Variants in CDH7 observed in about 807,000 individuals in gnomAD.
CDH7 encodes cadherin-7.
A neutral mutation model predicts 71.8 loss-of-function variants in CDH7; 25 were observed. That is an observed-to-expected ratio of 0.35 (90% CI 0.25 to 0.49). The LOEUF (loss-of-function observed/expected upper bound fraction) is 0.49. CDH7 is among the 20% of genes least tolerant of loss of function. The pLI is 0.99. For synonymous variants in CDH7, 381 were observed against 363.8 expected, an observed-to-expected ratio of 1.05 and a Z score of -0.54; for missense variants, 862 against 974.6, an observed-to-expected ratio of 0.88 and a Z score of 1.54.
chr18:65,770,845 A>G (rs1032928844), intron 2 of CDH7, among the ~76,000 whole-genome samples: 3 of 152,196 alleles, frequency 2.0e-5, no homozygotes, highest in Admixed American at 1.3e-4. Flanking sequence ...AACCAATCAT[A>G]TTTTGAAGAT....
chr18:65,867,035 A>ATTT (rs11381508), intron 11 of CDH7, among the ~76,000 whole-genome samples: 7 of 134,194 alleles, frequency 5.2e-5, no homozygotes, highest in South Asian at 2.3e-4. Context: ...GGTATTCTAA[A>ATTT]TTTTTTTTTT....
Position 65,830,547 on chromosome 18 carries a change from T to C in CDH7, c.981+5716T>C, listed in dbSNP as rs148558888. Among the ~76,000 whole-genome samples, 640 of 151,072 alleles carry C rather than the reference T, an allele frequency of 4.2e-3. 2 individuals are homozygous for C. The highest frequency in any genetic ancestry group is 0.015 in the African/African-American group (614 of 41,140). On this transcript the variant is annotated intron_variant, in intron 6 of 11. Coordinates refer to ENST00000397968, the MANE Select transcript of CDH7 (RefSeq NM_004361.5). The stretch of plus-strand genomic sequence containing the variant: ...CTTCCTTCCTTTCTTCCTCCCTTCC[T>C]TCCTTCTTTCCTTCCTCTCTCTCTC...
rs572626704 is a variant in CDH7, at chr18:65,792,395, G to T, written c.211-17309G>T. 7.2e-5 allele frequency among the ~76,000 whole-genome samples: 11 copies of T among 152,126 alleles called. No homozygotes were observed. The South Asian group carries it at 2.3e-3, about 32-fold the overall frequency. On this transcript the variant is annotated intron_variant, in intron 2 of 11. Transcript: ENST00000397968. ...AATCAAACAAGTAAACCTTGAAAAG[G>T]TTCCCGTGTCATTTCCCTCAGAGAA...
chr18:65,871,779 A>G (rs1913934906), intron 11 of CDH7, among the ~76,000 whole-genome samples: 1 of 152,198 alleles, frequency 6.6e-6, no homozygotes, highest in African/African-American at 2.4e-5. Context: ...AATCATAACA[A>G]TGATAATTAC....
At chr18:65,768,604 G>T (rs924950008) in intron 2 of CDH7, among the ~76,000 whole-genome samples, 9 of 152,102 alleles carry the variant, frequency 5.9e-5, no homozygotes, top group Non-Finnish European at 1.3e-4. Flanking sequence ...TACAAAGTGC[G>T]CTGTAATTGT....
chr18:65,809,771 C>G lies in CDH7; in HGVS notation c.278C>G (p.Ser93Cys). 11 of 1,613,944 alleles carry G rather than the reference C, an allele frequency of 6.8e-6. No individual in the cohort carries two copies. Among genetic ancestry groups the G allele is most frequent in the Non-Finnish European group, 8.5e-6 (10 of 1,179,922 alleles). The change falls in exon 3 of 12, where the codon TCC (serine) becomes TGC (cysteine). Residue 93 changes from serine (S) to cysteine (C), a missense_variant. Transcript: ENST00000397968. ...ATCTTGTCAGGCGAAGGGGCAAGTTCCATTTTCATTATTGATGAGAACACT... is the reference window on the plus strand; with the variant it reads ...ATCTTGTCAGGCGAAGGGGCAAGTTGCATTTTCATTATTGATGAGAACACT... Reference protein sequence around the residue: ...KYILSGEGASSIFIIDENTGD... With the variant: ...KYILSGEGASCIFIIDENTGD...
At chr18:65,791,950 T>C (rs924678105) in intron 2 of CDH7, among the ~76,000 whole-genome samples, 1 of 152,238 alleles carries the variant, frequency 6.6e-6, no homozygotes, top group African/African-American at 2.4e-5. Context: ...TGGCTATCTC[T>C]GGCTTTTAAT....
At chr18:65,850,173 A>ATAT (rs145348057) in intron 7 of CDH7, among the ~76,000 whole-genome samples, 2,506 of 65,260 alleles carry the variant, frequency 0.038, 58 homozygotes, top group East Asian at 0.23. Flanking sequence ...CACTATATAT[A>ATAT]ATATATATAT....
At chr18:65,852,170 T>C (rs1035069287) in intron 7 of CDH7, among the ~76,000 whole-genome samples, 1 of 151,776 alleles carries the variant, frequency 6.6e-6, no homozygotes, top group African/African-American at 2.4e-5. Context: ...AAAAAACAAA[T>C]AGAAGCTGAA....
chr18:65,783,160 A>G (rs959671199), intron 2 of CDH7, among the ~76,000 whole-genome samples: 2 of 152,236 alleles, frequency 1.3e-5, no homozygotes, highest in Non-Finnish European at 2.9e-5. Context: ...TCCTACAATA[A>G]TAAATATCAA....
intron 2 of CDH7, among the ~76,000 whole-genome samples, chr18:65,795,608 T>A (rs1910882549): frequency 6.6e-6 from 1 of 152,176 alleles, no homozygotes; most frequent in African/African-American, 2.4e-5. Flanking sequence ...AGTGTGTATA[T>A]TTGTGATACT....
intron 2 of CDH7, among the ~76,000 whole-genome samples, chr18:65,795,951 CT>C (rs59271091): frequency 0.053 from 8,022 of 152,134 alleles, 701 homozygotes; most frequent in African/African-American, 0.18. Flanking sequence ...TCCTGCCCCC[CT>C]GTGAAGAGGT....
intron 2 of CDH7, among the ~76,000 whole-genome samples, chr18:65,805,856 A>G (rs1911298468): frequency 6.6e-6 from 1 of 152,214 alleles, no homozygotes; most frequent in African/African-American, 2.4e-5. Flanking sequence ...AATTTAATAT[A>G]TGTTTTAGAG....
chr18:65,776,845 G>T (rs1340582970), intron 2 of CDH7, among the ~76,000 whole-genome samples: 2 of 152,136 alleles, frequency 1.3e-5, no homozygotes, highest in Non-Finnish European at 2.9e-5. Context: ...TTAATAGATT[G>T]CATTTTTAGA....
At chr18:65,782,540 T>C (rs1356450830) in intron 2 of CDH7, among the ~76,000 whole-genome samples, 1 of 152,110 alleles carries the variant, frequency 6.6e-6, no homozygotes, top group Non-Finnish European at 1.5e-5. Context: ...GGATGGGTGA[T>C]AATTCATGTA....
At chr18:65,757,226 TGTTAAA>T (rs1315301227) in intron 1 of CDH7, among the ~76,000 whole-genome samples, 1 of 152,198 alleles carries the variant, frequency 6.6e-6, no homozygotes, top group African/African-American at 2.4e-5. Flanking sequence ...TAACATTAGC[TGTTAAA>T]GTTAAGTGGA....
intron 2 of CDH7, among the ~76,000 whole-genome samples, chr18:65,790,220 C>CAAAAA (rs10552878): frequency 2.3e-4 from 15 of 66,504 alleles, no homozygotes; most frequent in African/African-American, 4.7e-4. Context: ...GACTCTCTCT[C>CAAAAA]AAAAAAAAAA....
rs374986895 is a variant in CDH7, at chr18:65,880,710, C to T, written c.2174C>T (p.Pro725Leu). Reference sequence around the variant, plus strand: ...GAAGCCGATGTTGATCCTGGTGCTCCTCCTTATGACTCCCTGCAGACATAT... The same window carrying T: ...GAAGCCGATGTTGATCCTGGTGCTCTTCCTTATGACTCCCTGCAGACATAT... Reference protein sequence around the residue: ...LKEADVDPGAPPYDSLQTYAF... With the variant: ...LKEADVDPGALPYDSLQTYAF... The change falls in exon 12 of 12, where the codon CCT becomes CTT. Residue 725 changes from proline (P) to leucine (L), a missense_variant. By Grantham distance (98) the Pro-to-Leu change is moderately conservative (BLOSUM62 -3). Transcript: ENST00000397968. The T allele has an allele frequency of 1.9e-6, 3 of 1,614,064 alleles. No individual in the cohort carries two copies. Among genetic ancestry groups the T allele is most frequent in the Non-Finnish European group, 2.5e-6 (3 of 1,179,968 alleles).
At chr18:65,824,392 C>A (rs1223438913) in intron 5 of CDH7, among the ~76,000 whole-genome samples, 1 of 151,652 alleles carries the variant, frequency 6.6e-6, no homozygotes, top group Non-Finnish European at 1.5e-5. Context: ...GCCAGAAATA[C>A]AGGAATTAGA....
Sources: gnomAD v4.1 joint callset for allele counts (sites outside exome capture counted in the v4.1 genomes callset) on GRCh38, gnomAD v4.1.1 for gene constraint, MANE v1.5 for transcripts, NCBI Gene and HGNC (gene_info 2026-07-23, HGNC 2026-07-21) for gene names.